Variants in ADORA2B observed in about 807,000 individuals in gnomAD.
ADORA2B encodes the protein adenosine receptor A2b.
Under a neutral mutation model 20.8 loss-of-function variants are expected in ADORA2B, and 18 were observed. The observed-to-expected ratio is 0.87, with a 90% confidence interval of 0.60 to 1.29. The LOEUF (loss-of-function observed/expected upper bound fraction) is 1.29, where lower values mean the gene tolerates loss of function less well. Among genes scored for constraint, ADORA2B ranks in the 50% most tolerant of loss-of-function variants. ADORA2B has a pLI of 0.00. For synonymous variants in ADORA2B, 179 were observed against 178.3 expected (o/e 1.00, Z -0.03); for missense variants, 441 against 422.7 (o/e 1.04, Z -0.38).
At chr17:15,964,272 A>G (rs1970073327) in intron 1 of ADORA2B, among the ~76,000 whole-genome samples, 1 of 152,180 alleles carries the variant, frequency 6.6e-6, no homozygotes, top group Non-Finnish European at 1.5e-5. Context: ...AATTAGTGAA[A>G]TCATCTAGGC....
the ADORA2B span, among the ~76,000 whole-genome samples, chr17:15,928,020 C>T: frequency 9.2e-5 from 14 of 151,948 alleles, no homozygotes; most frequent in South Asian, 4.2e-4. Context: ...TGGGGTTTCA[C>T]GGTGGTCTTG....
chr17:15,955,745 A>C (rs543700189), intron 1 of ADORA2B, among the ~76,000 whole-genome samples: 5 of 145,010 alleles, frequency 3.4e-5, no homozygotes, highest in Non-Finnish European at 7.5e-5. Flanking sequence ...TTGAGATGGA[A>C]TCTTGTTCTG....
the ADORA2B span, among the ~76,000 whole-genome samples, chr17:15,891,749 T>C: frequency 4.0e-5 from 6 of 151,860 alleles, no homozygotes; most frequent in African/African-American, 1.5e-4. Flanking sequence ...TGGCGTGATC[T>C]CGGCTCACTG....
the ADORA2B span, among the ~76,000 whole-genome samples, chr17:15,897,745 CAGTG>C: frequency 6.6e-6 from 1 of 152,114 alleles, no homozygotes; most frequent in African/African-American, 2.4e-5. Flanking sequence ...GCAGAAATAA[CAGTG>C]AGATATAATT....
chr17:15,902,436 A>G, the ADORA2B span, among the ~76,000 whole-genome samples: 4 of 152,178 alleles, frequency 2.6e-5, no homozygotes, highest in African/African-American at 9.7e-5. Context: ...GACCTCAGGT[A>G]ATCCACCTGC....
the ADORA2B span, among the ~76,000 whole-genome samples, chr17:15,884,239 G>T: frequency 6.6e-6 from 1 of 152,178 alleles, no homozygotes; most frequent in South Asian, 2.1e-4. Flanking sequence ...ATGCATGTTT[G>T]CATAAGTGCA....
At chr17:15,965,809 A>T (rs146992819) in intron 1 of ADORA2B, among the ~76,000 whole-genome samples, 3,286 of 152,382 alleles carry the variant, frequency 0.022, 63 homozygotes, top group Non-Finnish European at 0.035. Context: ...CGCTGCCTCC[A>T]GGCCCATCTT....
At chr17:15,910,261 C>T in the ADORA2B span, among the ~76,000 whole-genome samples, 1 of 152,146 alleles carries the variant, frequency 6.6e-6, no homozygotes, top group African/African-American at 2.4e-5. Context: ...CCACATGCAG[C>T]CCAGGGTGGC....
At chr17:15,909,597 A>G in the ADORA2B span, among the ~76,000 whole-genome samples, 1 of 151,890 alleles carries the variant, frequency 6.6e-6, no homozygotes, top group Non-Finnish European at 1.5e-5. Flanking sequence ...GTTCTTTAAC[A>G]CTCCCATTCA....
intron 1 of ADORA2B, among the ~76,000 whole-genome samples, chr17:15,953,558 T>C (rs1969932363): frequency 6.6e-6 from 1 of 152,232 alleles, no homozygotes; most frequent in African/African-American, 2.4e-5. Flanking sequence ...CCGTGGCTCA[T>C]GCCAGCCTTC....
At chr17:15,947,548 C>G (rs540121219) in intron 1 of ADORA2B, among the ~76,000 whole-genome samples, 18 of 152,358 alleles carry the variant, frequency 1.2e-4, no homozygotes, top group African/African-American at 4.3e-4. Context: ...GAGGCTCGCC[C>G]CATCCTGCCT....
At chr17:15,961,660 G>A (rs1312330691) in intron 1 of ADORA2B, among the ~76,000 whole-genome samples, 10 of 152,278 alleles carry the variant, frequency 6.6e-5, no homozygotes, top group Admixed American at 4.6e-4. Flanking sequence ...TCACAGTTAC[G>A]AAGGCTGGGA....
At chr17:15,914,201 C>A in the ADORA2B span, among the ~76,000 whole-genome samples, 1,238 of 151,578 alleles carry the variant, frequency 8.2e-3, 13 homozygotes, top group African/African-American at 0.029. Context: ...AAGGTTAATT[C>A]AAAAAAAAAT....
chr17:15,974,263 T>G (rs767201647), intron 1 of ADORA2B: 1 of 169,052 alleles, frequency 5.9e-6, no homozygotes, highest in African/African-American at 2.4e-5. Flanking sequence ...GAGAAACCTT[T>G]AGGCCAAATT....
the ADORA2B span, among the ~76,000 whole-genome samples, chr17:15,910,825 A>C: frequency 6.6e-6 from 1 of 152,168 alleles, no homozygotes. Flanking sequence ...CAGAGGTGGC[A>C]TCTGGGCTCT....
Position 15,975,427 on chromosome 17 carries a change from T to C in ADORA2B, c.*85T>C. 1 of 1,404,978 alleles carries C rather than the reference T, an allele frequency of 7.1e-7. No individual in the cohort carries two copies. The highest frequency in any genetic ancestry group is 9.7e-7 in the Non-Finnish European group (1 of 1,032,736). 87.0% of individuals were successfully genotyped at this position (1,404,978 alleles called of 1,614,324 possible). ...GCTGGTTTTCATTGTGAAAGATAGC[T>C]ACACCTCACAAGGAAATGGACTGCC... On this transcript the variant is annotated 3_prime_UTR_variant, in exon 2 of 2. Transcript: ENST00000304222.
chr17:15,917,313 G>A, the ADORA2B span, among the ~76,000 whole-genome samples: 1 of 152,192 alleles, frequency 6.6e-6, no homozygotes, highest in African/African-American at 2.4e-5. Context: ...GCCACGGTAC[G>A]CTGGTGTCCT....
chr17:15,946,608 A>G (rs1969809924), intron 1 of ADORA2B, among the ~76,000 whole-genome samples: 1 of 152,152 alleles, frequency 6.6e-6, no homozygotes, highest in Non-Finnish European at 1.5e-5. Flanking sequence ...TTGGGTGCCA[A>G]CTCTGTGCAG....
intron 1 of ADORA2B, among the ~76,000 whole-genome samples, chr17:15,972,920 C>T (rs570926388): frequency 6.6e-6 from 1 of 152,262 alleles, no homozygotes; most frequent in East Asian, 1.9e-4. Flanking sequence ...CCACCGTGCC[C>T]GGCTAAGTTT....
Sources: allele counts gnomAD v4.1 joint callset (sites outside exome capture counted in the v4.1 genomes callset), GRCh38; gene constraint gnomAD v4.1.1; transcripts MANE v1.5; gene names NCBI Gene and HGNC (gene_info 2026-07-23, HGNC 2026-07-21).